The following VWA3A variants were observed in gnomAD, a reference collection of about 807,000 sequenced individuals.
VWA3A encodes von Willebrand factor A domain-containing protein 3A.
Under a neutral mutation model 160.4 loss-of-function variants are expected in VWA3A, and 134 were observed. The ratio of observed to expected loss-of-function variants is 0.84; its 90% confidence interval spans 0.73 to 0.96. VWA3A has a LOEUF of 0.96. Among genes scored for constraint, VWA3A ranks in the 40% least tolerant of loss-of-function variants. VWA3A has a pLI of 0.00. For missense variants in VWA3A, 1,310 were observed against 1,447.9 expected (o/e 0.90, Z 1.55); for synonymous variants, 476 against 543.4 (o/e 0.88, Z 1.72).
At chr16:22,132,509 C>T (rs974657154) in intron 19 of VWA3A, among the ~76,000 whole-genome samples, 1 of 152,068 alleles carries the variant, frequency 6.6e-6, no homozygotes, top group Non-Finnish European at 1.5e-5. Flanking sequence ...GTTTATGACC[C>T]TGCACTCCAG....
chr16:22,148,101 C>A, intron 27 of VWA3A, 61 bp from the exon 28 acceptor site: 1 of 1,506,208 alleles, frequency 6.6e-7, no homozygotes, highest in South Asian at 1.3e-5. Context: ...GTGAGGGAAA[C>A]CACCCAGGAG....
rs892617206 is a variant in VWA3A, at chr16:22,148,167, C to T, written c.2845C>T (p.Arg949Cys). Residue 949 changes from arginine to cysteine, a missense_variant, in exon 28 of 34, where the codon CGC becomes TGC. Physicochemically the swap from Arg to Cys is radical, Grantham distance 180. Transcript: ENST00000389398. ...QRLQWLLSGS[R>C]RLFGTVLESK... ...CCCCACCTGTCTCGGAGCAGGGAGC[C>T]GCCGACTGTTTGGCACCGTTTTGGA... 1.0e-5 allele frequency: 16 copies of T among 1,599,104 alleles called. No homozygotes were observed. Among genetic ancestry groups the T allele is most frequent in the Admixed American group, 3.5e-5 (2 of 57,856 alleles).
intron 16 of VWA3A, among the ~76,000 whole-genome samples, chr16:22,124,760 G>A (rs950063663): frequency 2.6e-5 from 4 of 151,858 alleles, no homozygotes; most frequent in African/African-American, 9.7e-5. Flanking sequence ...AGTAGTTTAT[G>A]GTTAAACTAC....
In VWA3A at chr16:22,132,928, C is replaced by T. The variant is rs1221685426; in HGVS notation, c.1901C>T (p.Ala634Val). 1 of 1,613,732 alleles carries T rather than the reference C, an allele frequency of 6.2e-7. No homozygotes were observed. The highest frequency in any genetic ancestry group is 8.5e-7 in the Non-Finnish European group (1 of 1,179,866). The change falls in exon 20 of 34, where the codon GCC becomes GTC. Residue 634 changes from alanine (A) to valine (V), a missense_variant. Transcript: ENST00000389398. ...ACACTCAGTGCCTACATGGCTGAGG[C>T]CTGTGGCGGCTGCGACCTCCAGCTG... ...MPTLSAYMAE[A>V]CGGCDLQLNV...
At chr16:22,121,451 T>G in intron 13 of VWA3A, 63 bp from the exon 14 acceptor site, 1 of 1,350,174 alleles carries the variant, frequency 7.4e-7, no homozygotes, top group Non-Finnish European at 1.1e-6. Context: ...CTCAAAAAAA[T>G]AAAAGGCTTG....
At chr16:22,150,507 T>C in intron 29 of VWA3A, among the ~76,000 whole-genome samples, 188 bp from the exon 30 acceptor site, 1 of 152,226 alleles carries the variant, frequency 6.6e-6, no homozygotes, top group East Asian at 1.9e-4. Flanking sequence ...CTATTTCTCC[T>C]AAACCTCAGC....
At chr16:22,140,021 C>G in intron 22 of VWA3A, 133 bp from the exon 23 acceptor site, 1 of 787,630 alleles carries the variant, frequency 1.3e-6, no homozygotes, top group South Asian at 1.7e-5. Context: ...AGGGGCCAAA[C>G]CTGTCTGAGG....
intron 14 of VWA3A, among the ~76,000 whole-genome samples, chr16:22,121,970 A>T (rs1490519267): frequency 6.6e-6 from 1 of 152,122 alleles, no homozygotes; most frequent in East Asian, 1.9e-4. Flanking sequence ...TTACATATTT[A>T]AATCCCCATC....
intron 23 of VWA3A, 151 bp from the exon 24 acceptor site, chr16:22,141,431 G>T (rs944422740): frequency 1.5e-6 from 1 of 681,580 alleles, no homozygotes; most frequent in Middle Eastern, 3.5e-4. Context: ...GAGACCTGGC[G>T]GGGGAGGACA....
At chr16:22,132,371 A>C (rs1371866183) in intron 19 of VWA3A, among the ~76,000 whole-genome samples, 1 of 151,574 alleles carries the variant, frequency 6.6e-6, no homozygotes, top group Non-Finnish European at 1.5e-5. Flanking sequence ...GACAAAAGCG[A>C]AACTCCATCT....
At chr16:22,136,358 G>A (rs901871633) in intron 21 of VWA3A, among the ~76,000 whole-genome samples, 28 of 152,104 alleles carry the variant, frequency 1.8e-4, no homozygotes, top group African/African-American at 6.0e-4. Context: ...ATGGAAGGAC[G>A]GAGAGGTGCA....
intron 8 of VWA3A, among the ~76,000 whole-genome samples, chr16:22,113,267 C>T (rs895471782): frequency 6.7e-6 from 1 of 148,638 alleles, no homozygotes; most frequent in African/African-American, 2.5e-5. Flanking sequence ...TCTTGGCTCA[C>T]CACAACATCT....
At chr16:22,139,146 A>C (rs550966463) in intron 22 of VWA3A, among the ~76,000 whole-genome samples, 1 of 152,278 alleles carries the variant, frequency 6.6e-6, no homozygotes, top group East Asian at 1.9e-4. Flanking sequence ...CCCAGACAGT[A>C]GGTAGCAGAT....
At chr16:22,146,382 G>C in intron 27 of VWA3A, 38 bp downstream of exon 27, 2 of 1,583,474 alleles carry the variant, frequency 1.3e-6, no homozygotes, top group Non-Finnish European at 1.7e-6. Context: ...GGAGGAGCAT[G>C]AGGGGATGTA....
chr16:22,152,604 C>T lies in VWA3A; in HGVS notation c.3375C>T (p.Ser1125=), dbSNP rs1459597500. The T allele has an allele frequency of 3.1e-6, 5 of 1,609,302 alleles. No individual in the cohort carries two copies. The highest frequency in any genetic ancestry group is 4.2e-6 in the Non-Finnish European group (5 of 1,177,790). ...VGEDTLSKIH[S]LLTKGFINEK... Reference sequence around the variant, plus strand: ...AGGACACACTCTCCAAAATTCACAGCCTGCTGACCAAAGGCTTCATCAATG... The same window carrying T: ...AGGACACACTCTCCAAAATTCACAGTCTGCTGACCAAAGGCTTCATCAATG... The change falls in exon 31 of 34, where the codon AGC becomes AGT. Residue 1125 remains serine, a synonymous_variant. Coordinates refer to ENST00000389398, the MANE Select transcript of VWA3A (RefSeq NM_173615.5).
At chr16:22,123,433 CT>C in intron 15 of VWA3A, 179 bp from the exon 16 acceptor site, 1 of 1,532,288 alleles carries the variant, frequency 6.5e-7, no homozygotes, top group Non-Finnish European at 8.8e-7. Flanking sequence ...CCGTGTGACT[CT>C]TCCCTTCCTG....
chr16:22,116,928 C>G (rs755360150), intron 10 of VWA3A, 61 bp downstream of exon 10: 70 of 1,529,002 alleles, frequency 4.6e-5, no homozygotes, highest in Non-Finnish European at 6.2e-5. Flanking sequence ...CTGGGCTGGC[C>G]TTTGAGGCCT....
chr16:22,130,772 T>A (rs909677266), intron 17 of VWA3A, among the ~76,000 whole-genome samples: 31 of 152,084 alleles, frequency 2.0e-4, no homozygotes, highest in African/African-American at 7.5e-4. Context: ...CCCAGCTAAT[T>A]TTTTTTATTT....
At chr16:22,097,531 C>T in intron 2 of VWA3A, 41 bp from the exon 3 acceptor site, 2 of 1,547,536 alleles carry the variant, frequency 1.3e-6, no homozygotes, top group Middle Eastern at 1.7e-4. Context: ...AAACCTATGC[C>T]CAGTGCTGGG....
Sources: gnomAD v4.1 joint callset for allele counts (sites outside exome capture counted in the v4.1 genomes callset) on GRCh38, gnomAD v4.1.1 for gene constraint, MANE v1.5 for transcripts, NCBI Gene and HGNC (gene_info 2026-07-23, HGNC 2026-07-21) for gene names.